The following BAG6 variants were observed in gnomAD, a reference collection of about 807,000 sequenced individuals.
The protein encoded by BAG6 is large proline-rich protein BAG6.
Under a neutral mutation model 121.0 loss-of-function variants are expected in BAG6, and 22 were observed. The ratio of observed to expected loss-of-function variants is 0.18; its 90% confidence interval spans 0.13 to 0.26. BAG6 has a LOEUF of 0.26. Ranked by LOEUF, BAG6 falls within the 10% of genes least tolerant of loss-of-function variation. The probability of loss-of-function intolerance (pLI) is 1.00; values close to 1 mark genes in which losing one functional copy is unlikely to be tolerated. For synonymous variants in BAG6, 583 were observed against 584.6 expected, an observed-to-expected ratio of 1.00 and a Z score of 0.04; for missense variants, 1,233 against 1,537.7, an observed-to-expected ratio of 0.80 and a Z score of 3.31.
rs1266718712 is a variant in BAG6, at chr6:31,639,483, C to A, written c.3393+17G>T. ...CCCCTCCCACTAGACCATCCCTATTCTGCTTCAAGGTGGCACCTGCTGCCT... is the reference window on the plus strand; with the variant it reads ...CCCCTCCCACTAGACCATCCCTATTATGCTTCAAGGTGGCACCTGCTGCCT... On this transcript the variant is annotated intron_variant, in intron 25 of 25. Coordinates refer to ENST00000676615, the MANE Select transcript of BAG6 (RefSeq NM_001387994.1). The A allele has an allele frequency of 1.2e-6, 2 of 1,610,602 alleles. No individual in the cohort carries two copies. Among genetic ancestry groups the A allele is most frequent in the Non-Finnish European group, 1.7e-6 (2 of 1,177,796 alleles).
intron 2 of BAG6, among the ~76,000 whole-genome samples, chr6:31,650,946 A>C (rs9380266): frequency 0.05 from 7,613 of 152,246 alleles, 339 homozygotes; most frequent in East Asian, 0.21. Flanking sequence ...TCTATCAAGG[A>C]CCTATCTCCA....
chr6:31,651,538 CAAAAAAAAGAA>C, intron 2 of BAG6, 107 bp downstream of exon 2: 1 of 927,250 alleles, frequency 1.1e-6, no homozygotes, highest in Non-Finnish European at 1.7e-6. Flanking sequence ...GACTCCATCT[CAAAAAAAAGAA>C]AAAAAAAGAA....
chr6:31,645,253 G>C, intron 9 of BAG6, 55 bp from the exon 10 acceptor site: 2 of 1,599,556 alleles, frequency 1.3e-6, no homozygotes, highest in South Asian at 2.2e-5. Context: ...GCCTAACCAA[G>C]AAAACCTCAT....
rs757926526 is a variant in BAG6, at chr6:31,647,807, G to A, written c.572C>T (p.Pro191Leu). 48 of 1,563,252 alleles carry A rather than the reference G, an allele frequency of 3.1e-5. No individual in the cohort carries two copies. The highest frequency in any genetic ancestry group is 1.7e-4 in the Middle Eastern group (1 of 5,846). Reference protein sequence around the residue: ...SRMECRGGPQPQHSQPPPQPP... With the variant: ...SRMECRGGPQLQHSQPPPQPP... The stretch of plus-strand genomic sequence containing the variant: ...CTGCGGGGGCGGCTGACTGTGCTGC[G>A]GTTGGGGCCCTCCTCGACACTGAAG... Residue 191 changes from proline to leucine, a missense_variant, in exon 7 of 26, where the codon CCG becomes CTG. Coordinates refer to ENST00000676615, the MANE Select transcript of BAG6 (RefSeq NM_001387994.1).
rs1479798497 is a variant in BAG6, at chr6:31,642,319, A to G, written c.2128T>C (p.Ser710Pro). The G allele has an allele frequency of 6.2e-6, 8 of 1,290,012 alleles. No homozygotes were observed. Among genetic ancestry groups the G allele is most frequent in the Non-Finnish European group, 8.1e-6 (8 of 989,934 alleles). 79.9% of individuals were successfully genotyped at this position (1,290,012 alleles called of 1,614,324 possible). A position where few individuals can be genotyped will look rare whatever the true frequency, so the allele number is the denominator to read the frequency against. ...PEQQTMPPPG[S>P]PSGGAGSPGG... ...GGACTCCCTGCGCCACCAGAAGGGGAGCCTGGTGGGGGCATGGTCTGCTGC... is the reference window on the plus strand; with the variant it reads ...GGACTCCCTGCGCCACCAGAAGGGGGGCCTGGTGGGGGCATGGTCTGCTGC... The change falls in exon 16 of 26, where the codon TCC (serine) becomes CCC (proline). Residue 710 changes from serine to proline, a missense_variant. Around this residue, in one of 7 missense-constraint regions of BAG6, gnomAD observed 777 missense variants for 861.4 expected, o/e 0.90. Transcript: ENST00000676615.
At position 31,643,086 on chromosome 6, in the gene BAG6, G is replaced by T; in HGVS notation, c.1786C>A (p.Pro596Thr). 1 of 1,583,014 alleles carries T rather than the reference G, an allele frequency of 6.3e-7. No individual in the cohort carries two copies. The change falls in exon 15 of 26, where the codon CCA (proline) becomes ACA (threonine). Residue 596 changes from proline (P) to threonine (T), a missense_variant. Pro to Thr is a conservative substitution (Grantham distance 38). Around this residue, in one of 7 missense-constraint regions of BAG6, gnomAD observed 777 missense variants for 861.4 expected, o/e 0.90. Coordinates refer to ENST00000676615, the MANE Select transcript of BAG6 (RefSeq NM_001387994.1). ...AQGTPGMAPP[P>T]APATASASAG... Reference sequence around the variant, plus strand: ...CTGGCAGAAGCAGTGGCAGGGGCTGGCGGTGGAGCCATACCTGGGGTCCCC... The same window carrying T: ...CTGGCAGAAGCAGTGGCAGGGGCTGTCGGTGGAGCCATACCTGGGGTCCCC...
In BAG6 at chr6:31,639,112, A is replaced by G; in HGVS notation, c.*19T>C. The G allele has an allele frequency of 6.3e-7, 1 of 1,587,864 alleles. No homozygotes were observed. ...GGGGGAAACGGTCCCCTGATGAGGA[A>G]GGGCCATAGAGCAAAGAGCTAAGGA... On this transcript the variant is annotated 3_prime_UTR_variant, in exon 26 of 26. Coordinates refer to ENST00000676615, the MANE Select transcript of BAG6 (RefSeq NM_001387994.1).
At chr6:31,646,774 T>TG (rs1339950230) in intron 7 of BAG6, among the ~76,000 whole-genome samples, 4 of 128,762 alleles carry the variant, frequency 3.1e-5, no homozygotes, top group South Asian at 2.7e-4. Flanking sequence ...TTGTTTTTTT[T>TG]TTTTTTTTTT....
chr6:31,648,744 G>A lies in BAG6; in HGVS notation c.485C>T (p.Pro162Leu), dbSNP rs776594069. Residue 162 changes from proline to leucine, a missense_variant, in exon 6 of 26, where the codon CCC (proline) becomes CTC (leucine). Pro to Leu is a moderately conservative substitution (Grantham distance 98). Coordinates refer to ENST00000676615, the MANE Select transcript of BAG6 (RefSeq NM_001387994.1). Reference sequence around the variant, plus strand: ...CTGAGCCATCACCAGCCGTACCCGGGGCTCACTCTACAATGAGAGAAGGTT... The same window carrying A: ...CTGAGCCATCACCAGCCGTACCCGGAGCTCACTCTACAATGAGAGAAGGTT... ...NMEQAPIQSE[P>L]RVRLVMAQHM... 6.2e-7 allele frequency: 1 copy of A among 1,614,026 alleles called. No homozygotes were observed. The highest frequency in any genetic ancestry group is 8.5e-7 in the Non-Finnish European group (1 of 1,179,998).
In BAG6 at chr6:31,649,500, G is replaced by GC; in HGVS notation, c.226+9dup. On this transcript the variant is annotated intron_variant, in intron 3 of 25. Transcript: ENST00000676615. The stretch of plus-strand genomic sequence containing the variant: ...CCCCAACCTCTGAACTGCCTCCCCA[G>GC]CCCCCTTACTGTATTCCTGAAGCTT... 6.2e-7 allele frequency: 1 copy of GC among 1,613,710 alleles called. No individual in the cohort carries two copies. The highest frequency in any genetic ancestry group is 8.5e-7 in the Non-Finnish European group (1 of 1,179,616).
chr6:31,644,551 C>A lies in BAG6; in HGVS notation c.1421G>T (p.Gly474Val), dbSNP rs753760554. The change falls in exon 11 of 26, where the codon GGA (glycine) becomes GTA (valine). Residue 474 changes from glycine (G) to valine (V), a missense_variant. Physicochemically the swap from Gly to Val is moderately radical, Grantham distance 109. This residue lies in a region of BAG6 where 777 missense variants were observed against 861.4 expected (regional missense o/e 0.90). Transcript: ENST00000676615. This position sits in a 1 kb window ranked among gnomAD's most constrained non-coding sequence, Gnocchi z 4.9. ...GVPSAPTGPL[G>V]PPGHGQTLGS... is the part of the protein sequence containing the mutation. ...CAGGGTTTGGCCATGACCAGGGGGTCCCAGGGGGCCAGTGGGAGCACTCGG... is the reference window on the plus strand; with the variant it reads ...CAGGGTTTGGCCATGACCAGGGGGTACCAGGGGGCCAGTGGGAGCACTCGG... 2 of 1,611,938 alleles carry A rather than the reference C, an allele frequency of 1.2e-6. No individual in the cohort carries two copies. Among genetic ancestry groups the A allele is most frequent in the Non-Finnish European group, 1.7e-6 (2 of 1,179,564 alleles).
rs1786018529 is a variant in BAG6, at chr6:31,644,083, A to G, written c.1667T>C (p.Leu556Pro). 1 of 1,613,554 alleles carries G rather than the reference A, an allele frequency of 6.2e-7. No individual in the cohort carries two copies. Residue 556 changes from leucine (L) to proline (P), a missense_variant and splice_region_variant, in exon 13 of 26, where the codon CTG becomes CCG. Leu to Pro is a moderately conservative substitution (Grantham distance 98). Around this residue, in one of 7 missense-constraint regions of BAG6, gnomAD observed 777 missense variants for 861.4 expected, o/e 0.90. Transcript: ENST00000676615. This position sits in a 1 kb window ranked among gnomAD's most constrained non-coding sequence, Gnocchi z 4.9. ...TAGAACTCCCCGACCCTTGCTCACC[A>G]GTGTCCCAGAGACTGGGGGCCCTCC... The part of the protein sequence containing the change: ...HPGGPPVSGT[L>P]QGAGLGTNAS...
chr6:31,649,545 C>T lies in BAG6; in HGVS notation c.191G>A (p.Arg64Gln). ...SEKQRLIYQG[R>Q]VLQDDKKLQE... ...AAGCTTCTTATCATCTTGCAGAACT[C>T]GTCCCTGGTAAATGAGCCGTTGTTT... Residue 64 changes from arginine to glutamine, a missense_variant, in exon 3 of 26, where the codon CGA becomes CAA. Around this residue, in one of 7 missense-constraint regions of BAG6, gnomAD observed 6 missense variants for 24.8 expected, o/e 0.24. Coordinates refer to ENST00000676615, the MANE Select transcript of BAG6 (RefSeq NM_001387994.1). 1.2e-6 allele frequency: 2 copies of T among 1,614,202 alleles called. No homozygotes were observed. Among genetic ancestry groups the T allele is most frequent in the South Asian group, 1.1e-5 (1 of 91,080 alleles).
In BAG6 at chr6:31,640,315, G is replaced by C; in HGVS notation, c.3139-9C>G. On this transcript the variant is annotated splice_polypyrimidine_tract_variant and intron_variant, in intron 23 of 25. Coordinates refer to ENST00000676615, the MANE Select transcript of BAG6 (RefSeq NM_001387994.1). This position sits in a 1 kb window ranked among gnomAD's most constrained non-coding sequence, Gnocchi z 4.2. ...ATAATAGGGACCCATTCCTGGGGAG[G>C]AAAAGAGAAAATAGTAATGTCCTTG... is the stretch of plus-strand genomic sequence containing the variant. The C allele has an allele frequency of 6.2e-7, 1 of 1,614,188 alleles. No homozygotes were observed. Among genetic ancestry groups the C allele is most frequent in the Non-Finnish European group, 8.5e-7 (1 of 1,180,018 alleles).
chr6:31,643,739 A>AAAAAAAAG (rs1785482265), intron 14 of BAG6, 151 bp downstream of exon 14: 1 of 547,778 alleles, frequency 1.8e-6, no homozygotes, highest in Non-Finnish European at 3.0e-6. Context: ...AAAAAAAAAA[A>AAAAAAAAG]AAAAAAAGCT....
intron 4 of BAG6, 111 bp from the exon 5 acceptor site, chr6:31,649,075 A>G: frequency 3.3e-6 from 5 of 1,499,016 alleles, no homozygotes; most frequent in Non-Finnish European, 4.5e-6. Flanking sequence ...GACTGAGACC[A>G]ATAGCACACC....
intron 2 of BAG6, 119 bp downstream of exon 2, chr6:31,651,537 T>C: frequency 1.2e-6 from 1 of 859,290 alleles, no homozygotes; most frequent in South Asian, 1.6e-5. Context: ...TGACTCCATC[T>C]CAAAAAAAAG....
intron 15 of BAG6, chr6:31,642,620 G>A (rs1002060965): frequency 1.5e-6 from 1 of 686,390 alleles, no homozygotes; most frequent in Non-Finnish European, 2.4e-6. Context: ...TCAGAAAGCA[G>A]TGACACTAAT....
At chr6:31,646,008 G>A (rs1287739924) in intron 8 of BAG6, among the ~76,000 whole-genome samples, 1 of 152,128 alleles carries the variant, frequency 6.6e-6, no homozygotes, top group Non-Finnish European at 1.5e-5. Flanking sequence ...TGTTTTTTGA[G>A]ACAGTCTCGC....
Sources: allele counts gnomAD v4.1 joint callset (sites outside exome capture counted in the v4.1 genomes callset), GRCh38; gene constraint gnomAD v4.1.1; regional missense constraint gnomAD v4.1.1; non-coding constraint Gnocchi (gnomAD v3.1); transcripts MANE v1.5; gene names NCBI Gene and HGNC (gene_info 2026-07-23, HGNC 2026-07-21).